PRIM2: variants seen among roughly 807,000 people sequenced by gnomAD.
PRIM2 encodes DNA primase subunit 2.
In PRIM2, 39 loss-of-function variants were observed where a neutral mutation model predicts 67.3. The observed-to-expected ratio is 0.58, with a 90% CI of 0.45 to 0.76. The LOEUF is 0.76. Among genes scored for constraint, PRIM2 ranks in the 30% least tolerant of loss-of-function variants. PRIM2 has a pLI of 0.00. For synonymous variants in PRIM2, 143 were observed against 198.7 expected (o/e 0.72, Z 2.36); for missense variants, 398 against 598.7 (o/e 0.66, Z 3.50).
intron 12 of PRIM2, among the ~76,000 whole-genome samples, chr6:57,626,880 C>A (rs1293805755): frequency 1.3e-5 from 2 of 151,984 alleles, no homozygotes; most frequent in Non-Finnish European, 2.9e-5. Context: ...CCTGCCCTGG[C>A]CTCCCAAAGT....
chr6:57,481,484 A>T, intron 7 of PRIM2, among the ~76,000 whole-genome samples: 1 of 152,224 alleles, frequency 6.6e-6, no homozygotes, highest in Middle Eastern at 3.4e-3. Context: ...TTAACCATTT[A>T]TCTGTTGAAG....
chr6:57,226,474 A>G, the PRIM2 span, among the ~76,000 whole-genome samples: 1 of 152,210 alleles, frequency 6.6e-6, no homozygotes, highest in Admixed American at 6.5e-5. Context: ...GCCAGTGTGC[A>G]GGAGTGAGGT....
the PRIM2 span, among the ~76,000 whole-genome samples, chr6:57,225,429 G>T: frequency 6.6e-6 from 1 of 152,178 alleles, no homozygotes; most frequent in Non-Finnish European, 1.5e-5. Context: ...ATGAAAGCCT[G>T]CATGGAAACC....
the PRIM2 span, among the ~76,000 whole-genome samples, chr6:57,283,023 C>CTT: frequency 1.1e-4 from 16 of 151,896 alleles, no homozygotes; most frequent in African/African-American, 3.9e-4. Context: ...AATTGTTTTG[C>CTT]TTTTTTTAAA....
chr6:57,286,009 T>A, the PRIM2 span, among the ~76,000 whole-genome samples: 1 of 152,150 alleles, frequency 6.6e-6, no homozygotes, highest in Non-Finnish European at 1.5e-5. Flanking sequence ...CATTCACAAT[T>A]GCTATAAAGA....
intron 12 of PRIM2, among the ~76,000 whole-genome samples, chr6:57,607,513 G>A (rs1254967357): frequency 1.3e-5 from 2 of 152,180 alleles, no homozygotes; most frequent in African/African-American, 2.4e-5. Flanking sequence ...CTTGCACAAA[G>A]GTTGGGAATT....
At chr6:57,381,888 A>G in intron 6 of PRIM2, 143 bp from the exon 7 acceptor site, 1 of 830,108 alleles carries the variant, frequency 1.2e-6, no homozygotes, top group Non-Finnish European at 1.7e-6. Context: ...TTGAGTTTTA[A>G]GGAGGATAAA....
chr6:57,365,198 G>A (rs562116008), intron 5 of PRIM2, among the ~76,000 whole-genome samples: 1 of 147,732 alleles, frequency 6.8e-6, no homozygotes, highest in South Asian at 2.2e-4. Context: ...AACTGCCCTT[G>A]TGCTCATCTG....
intron 8 of PRIM2, among the ~76,000 whole-genome samples, chr6:57,519,798 T>C (rs1774573898): frequency 6.6e-6 from 1 of 152,146 alleles, no homozygotes; most frequent in Non-Finnish European, 1.5e-5. Context: ...ATCTTAACAA[T>C]TTATGCTTAG....
intron 10 of PRIM2, among the ~76,000 whole-genome samples, chr6:57,585,998 A>G (rs1207109853): frequency 1.3e-5 from 2 of 152,188 alleles, no homozygotes; most frequent in African/African-American, 4.8e-5. Flanking sequence ...TCACCACCTG[A>G]GTAACCAAGA....
chr6:57,585,409 G>C (rs1776171436), intron 10 of PRIM2, among the ~76,000 whole-genome samples: 1 of 152,202 alleles, frequency 6.6e-6, no homozygotes, highest in African/African-American at 2.4e-5. Flanking sequence ...CCTTAGTATA[G>C]AACAGGGTTC....
intron 5 of PRIM2, among the ~76,000 whole-genome samples, chr6:57,357,889 C>T (rs980170852): frequency 2.6e-5 from 4 of 152,176 alleles, no homozygotes; most frequent in East Asian, 1.9e-4. Context: ...CCACCGCACC[C>T]GGCTTCCTCT....
intron 5 of PRIM2, among the ~76,000 whole-genome samples, chr6:57,343,798 G>GA (rs1306891875): frequency 2.0e-5 from 3 of 152,280 alleles, no homozygotes; most frequent in African/African-American, 7.2e-5. Flanking sequence ...TAGTAAGGAA[G>GA]ACTTTATTCA....
chr6:57,282,566 T>A, the PRIM2 span, among the ~76,000 whole-genome samples: 1 of 152,202 alleles, frequency 6.6e-6, no homozygotes. Flanking sequence ...TAACTCCCAG[T>A]ACCTCAGAAT....
At chr6:57,368,828 C>T (rs1352203425) in intron 5 of PRIM2, among the ~76,000 whole-genome samples, 1 of 152,180 alleles carries the variant, frequency 6.6e-6, no homozygotes, top group Non-Finnish European at 1.5e-5. Flanking sequence ...CCCCAAACCT[C>T]AGTGACTTAT....
intron 5 of PRIM2, among the ~76,000 whole-genome samples, chr6:57,328,694 C>T (rs555612012): frequency 1.1e-4 from 16 of 152,214 alleles, no homozygotes; most frequent in African/African-American, 3.9e-4. Flanking sequence ...AGTAGAATTG[C>T]TAGGTCATAG....
chr6:57,419,448 T>C (rs1409296768), intron 7 of PRIM2, among the ~76,000 whole-genome samples: 1 of 152,140 alleles, frequency 6.6e-6, no homozygotes, highest in African/African-American at 2.4e-5. Flanking sequence ...AGGAGGTTTT[T>C]GGTGGTCTGT....
At position 57,618,744 on chromosome 6, in the gene PRIM2, C is replaced by T. The variant is rs1343253460; in HGVS notation, c.1230+12287C>T. 1.4e-4 allele frequency among the ~76,000 whole-genome samples: 21 copies of T among 152,210 alleles called. No individual in the cohort carries two copies. In the South Asian group the frequency reaches 3.9e-3, roughly 29 times the overall value. ...AACTCCAGTGACCTGGGAATCTCAC[C>T]CCGTCCCCCACAGCAGCCACAGCAA... On this transcript the variant is annotated intron_variant, in intron 12 of 13. Transcript: ENST00000615550.
At chr6:57,357,827 C>G (rs1769082175) in intron 5 of PRIM2, among the ~76,000 whole-genome samples, 1 of 151,984 alleles carries the variant, frequency 6.6e-6, no homozygotes, top group Non-Finnish European at 1.5e-5. Flanking sequence ...GATTCCTGAC[C>G]TCGTGATCCA....
Sources: allele counts gnomAD v4.1 joint callset (sites outside exome capture counted in the v4.1 genomes callset), GRCh38; gene constraint gnomAD v4.1.1; transcripts MANE v1.5; gene names NCBI Gene and HGNC (gene_info 2026-07-23, HGNC 2026-07-21).